Variants in ZNF469 observed in about 807,000 individuals in gnomAD.
The protein encoded by ZNF469 is zinc finger protein 469.
In ZNF469, 1 loss-of-function variant was observed where a neutral mutation model predicts 1.0. The observed-to-expected ratio is 1.00, with a 90% CI of 0.35 to 4.73. ZNF469 has a LOEUF of 4.73. ZNF469 is among the 30% of genes most tolerant of loss of function. The probability of loss-of-function intolerance (pLI) is 0.16; values close to 1 mark genes in which losing one functional copy is unlikely to be tolerated. For missense variants in ZNF469, 6,100 were observed against 5,356.3 expected (o/e 1.14, Z -4.33); for synonymous variants, 2,703 against 2,363.4 (o/e 1.14, Z -4.17).
chr16:88,312,678 T>A, the ZNF469 span, among the ~76,000 whole-genome samples: 1 of 152,206 alleles, frequency 6.6e-6, no homozygotes, highest in African/African-American at 2.4e-5. Flanking sequence ...TGCCCTTAAG[T>A]CTTTGATTTG....
In ZNF469 at chr16:88,431,989, G is replaced by A. The variant is rs1906223623; in HGVS notation, c.4519G>A (p.Val1507Ile). The change falls in exon 3 of 3, where the codon GTA becomes ATA. Residue 1507 changes from valine to isoleucine, a missense_variant. Coordinates refer to ENST00000565624, the MANE Select transcript of ZNF469 (RefSeq NM_001367624.2). ...PYPSFLLLEE[V>I]SPMLPSHFPD... ...CCCCTCTTTTTTGCTGCTTGAGGAA[G>A]TATCCCCGATGCTGCCTAGCCATTT... 6.5e-7 allele frequency: 1 copy of A among 1,549,800 alleles called. No homozygotes were observed. Among genetic ancestry groups the A allele is most frequent in the Non-Finnish European group, 8.7e-7 (1 of 1,146,956 alleles).
the ZNF469 span, among the ~76,000 whole-genome samples, chr16:88,276,938 T>G: frequency 6.6e-6 from 1 of 150,924 alleles, no homozygotes; most frequent in African/African-American, 2.5e-5. Flanking sequence ...CAGTACCATG[T>G]AGATATCAGT....
At chr16:88,207,718 G>A in the ZNF469 span, among the ~76,000 whole-genome samples, 3 of 147,686 alleles carry the variant, frequency 2.0e-5, no homozygotes, top group East Asian at 6.0e-4. Flanking sequence ...GGCTTCCTCG[G>A]CTTGTGGCCG....
the ZNF469 span, among the ~76,000 whole-genome samples, chr16:88,126,822 T>G: frequency 6.7e-6 from 1 of 149,304 alleles, no homozygotes; most frequent in Non-Finnish European, 1.5e-5. Context: ...CCCCGCTAAT[T>G]CTTGTGTTTT....
chr16:88,196,070 C>A, the ZNF469 span, among the ~76,000 whole-genome samples: 1 of 152,232 alleles, frequency 6.6e-6, no homozygotes, highest in South Asian at 2.1e-4. Flanking sequence ...CTGACTTATC[C>A]ATCTGCATTT....
the ZNF469 span, among the ~76,000 whole-genome samples, chr16:88,101,206 G>T: frequency 5.3e-5 from 8 of 152,252 alleles, no homozygotes; most frequent in Non-Finnish European, 1.0e-4. Flanking sequence ...CTTCAGGCTC[G>T]CAACCGAGGG....
the ZNF469 span, among the ~76,000 whole-genome samples, chr16:88,360,475 C>A: frequency 2.9e-3 from 438 of 151,558 alleles, 21 homozygotes; most frequent in East Asian, 0.078. Flanking sequence ...GGCAGTCCAC[C>A]CCCAGACAGC....
the ZNF469 span, among the ~76,000 whole-genome samples, chr16:88,133,946 T>G: frequency 5.3e-5 from 8 of 152,092 alleles, no homozygotes; most frequent in East Asian, 1.5e-3. Context: ...ATACAAAAAA[T>G]TAGCTGAGCA....
In ZNF469 at chr16:88,429,723, G is replaced by A; in HGVS notation, c.2253G>A (p.Gln751=). 1 of 1,544,402 alleles carries A rather than the reference G, an allele frequency of 6.5e-7. No homozygotes were observed. The highest frequency in any genetic ancestry group is 8.7e-7 in the Non-Finnish European group (1 of 1,143,826). Residue 751 remains glutamine, a synonymous_variant, in exon 3 of 3, where the codon CAG becomes CAA. Coordinates refer to ENST00000565624, the MANE Select transcript of ZNF469 (RefSeq NM_001367624.2). ...SSLAAFLAHR[Q]FCGLLLARAK... ...TGGCGGCCTTCCTGGCCCACCGGCA[G>A]TTCTGTGGCCTGCTCCTGGCCAGGG...
the ZNF469 span, among the ~76,000 whole-genome samples, chr16:88,227,849 C>T: frequency 2.6e-5 from 4 of 152,198 alleles, no homozygotes; most frequent in South Asian, 6.2e-4. Context: ...CAGCCGTCCT[C>T]GGCGTTCCCC....
the ZNF469 span, among the ~76,000 whole-genome samples, chr16:88,355,751 A>T: frequency 1.3e-5 from 2 of 152,182 alleles, no homozygotes; most frequent in African/African-American, 4.8e-5. Flanking sequence ...CAGACCCAGC[A>T]TGGCGACAGC....
the ZNF469 span, among the ~76,000 whole-genome samples, chr16:88,206,912 G>T: frequency 1.1e-3 from 1 of 878 alleles, no homozygotes; most frequent in African/African-American, 4.2e-3. Flanking sequence ...AGGGGAGGCC[G>T]CGGGGACGGA....
chr16:88,359,403 C>G, the ZNF469 span, among the ~76,000 whole-genome samples: 1 of 144,448 alleles, frequency 6.9e-6, no homozygotes, highest in African/African-American at 2.6e-5. Flanking sequence ...GAGTGTCCCG[C>G]GGGCTCGGTA....
chr16:88,272,332 A>G, the ZNF469 span, among the ~76,000 whole-genome samples: 2 of 132,096 alleles, frequency 1.5e-5, no homozygotes, highest in Non-Finnish European at 3.2e-5. Context: ...CTGGGTGGTT[A>G]GATGGGTGGA....
chr16:88,242,697 G>A, the ZNF469 span, among the ~76,000 whole-genome samples: 33 of 152,260 alleles, frequency 2.2e-4, no homozygotes, highest in African/African-American at 6.5e-4. Context: ...AGGCAGCAGC[G>A]GGTTGAGGGT....
Position 88,434,738 on chromosome 16 carries a change from C to A in ZNF469, c.7268C>A (p.Pro2423His). ...STASDFQSDSPQSHRNASHQT... is the reference protein window; with the variant it reads ...STASDFQSDSHQSHRNASHQT... ...GCCAGTGACTTCCAGTCTGACTCCC[C>A]CCAAAGCCACAGAAATGCCTCCCAC... The change falls in exon 3 of 3, where the codon CCC becomes CAC. Residue 2423 changes from proline to histidine, a missense_variant. By Grantham distance (77) the Pro-to-His change is moderately conservative. Coordinates refer to ENST00000565624, the MANE Select transcript of ZNF469 (RefSeq NM_001367624.2). The A allele has an allele frequency of 3.2e-6, 5 of 1,550,410 alleles. No homozygotes were observed. Among genetic ancestry groups the A allele is most frequent in the Non-Finnish European group, 4.4e-6 (5 of 1,146,976 alleles).
the ZNF469 span, among the ~76,000 whole-genome samples, chr16:88,126,405 G>C: frequency 7.0e-4 from 106 of 151,472 alleles, 1 homozygote; most frequent in Middle Eastern, 3.4e-3. Flanking sequence ...TCACCATTAA[G>C]GATGATGTTA....
chr16:88,159,548 G>A, the ZNF469 span, among the ~76,000 whole-genome samples: 9 of 152,132 alleles, frequency 5.9e-5, no homozygotes, highest in African/African-American at 1.9e-4. Context: ...CGCAGCGTAC[G>A]GAGAGAGGGG....
Position 88,429,948 on chromosome 16 carries a change from G to A in ZNF469, c.2478G>A (p.Pro826=), listed in dbSNP as rs273585634. The A allele has an allele frequency of 2.0e-5, 31 of 1,550,178 alleles. No homozygotes were observed. The highest frequency in any genetic ancestry group is 2.4e-5 in the Non-Finnish European group (28 of 1,146,950). The change falls in exon 3 of 3, where the codon CCG becomes CCA. Residue 826 remains proline (P), a synonymous_variant. Transcript: ENST00000565624. The part of the protein sequence containing the change: ...FLPSLAATPF[P]LPASDLDMED... ...CCAGCCTGGCCGCCACCCCCTTCCCGCTCCCTGCCTCGGACCTGGACATGG... is the reference window on the plus strand; with the variant it reads ...CCAGCCTGGCCGCCACCCCCTTCCCACTCCCTGCCTCGGACCTGGACATGG...
Sources: gnomAD v4.1 joint callset for allele counts (sites outside exome capture counted in the v4.1 genomes callset) on GRCh38, gnomAD v4.1.1 for gene constraint, MANE v1.5 for transcripts, NCBI Gene and HGNC (gene_info 2026-07-23, HGNC 2026-07-21) for gene names.